The following STK3 variants were observed in gnomAD, a reference collection of about 807,000 sequenced individuals.
STK3 encodes the protein serine/threonine kinase 3, also known as serine/threonine-protein kinase 3.
Under a neutral mutation model 58.0 loss-of-function variants are expected in STK3, and 41 were observed. The ratio of observed to expected loss-of-function variants is 0.71; its 90% confidence interval spans 0.55 to 0.92. The LOEUF (loss-of-function observed/expected upper bound fraction) is 0.92, where lower values mean the gene tolerates loss of function less well. Among genes scored for constraint, STK3 ranks in the 40% least tolerant of loss-of-function variants. The pLI, the probability that STK3 is intolerant of heterozygous loss-of-function variation, is 0.00. For synonymous variants in STK3, 170 were observed against 191.0 expected, an observed-to-expected ratio of 0.89 and a Z score of 0.91; for missense variants, 479 against 602.7, an observed-to-expected ratio of 0.79 and a Z score of 2.15.
At chr8:98,705,427 A>AC (rs1825898168) in intron 6 of STK3, among the ~76,000 whole-genome samples, 1 of 152,112 alleles carries the variant, frequency 6.6e-6, no homozygotes, top group African/African-American at 2.4e-5. Flanking sequence ...GAAAAAAAAA[A>AC]AAAACTCTCT....
chr8:98,942,110 T>G (rs1442162757), intron 1 of STK3, among the ~76,000 whole-genome samples: 4 of 152,160 alleles, frequency 2.6e-5, no homozygotes, highest in African/African-American at 9.6e-5. Context: ...TGCTCTTGGG[T>G]GGGCCCCGCA....
At chr8:98,845,424 A>G (rs1325611151) in intron 3 of STK3, among the ~76,000 whole-genome samples, 1 of 152,190 alleles carries the variant, frequency 6.6e-6, no homozygotes, top group Non-Finnish European at 1.5e-5. Context: ...TAATTCTGAG[A>G]TCTTTTATAA....
chr8:98,937,070 CT>C (rs1840224352), intron 1 of STK3, among the ~76,000 whole-genome samples: 1 of 152,226 alleles, frequency 6.6e-6, no homozygotes, highest in African/African-American at 2.4e-5. Context: ...GAGCTCATCA[CT>C]TCTTATAAGA....
At chr8:98,440,874 T>G (rs1818668728) in intron 1 of STK3, among the ~76,000 whole-genome samples, 2 of 152,186 alleles carry the variant, frequency 1.3e-5, no homozygotes, top group African/African-American at 4.8e-5. Context: ...ACATTTAACA[T>G]CTACCTTAGA....
Position 98,601,107 on chromosome 8 carries a change from G to A in STK3, c.685-4938C>T, listed in dbSNP as rs544733206. Among the ~76,000 whole-genome samples, 15 of 152,218 alleles carry A rather than the reference G, an allele frequency of 9.9e-5. No homozygotes were observed. In the South Asian group the frequency reaches 2.9e-3, roughly 29 times the overall value. Reference sequence around the variant, plus strand: ...CCTGTAGTCCCTGAGCTGAGAGGCTGAGGAAGGTGGATTGCTTGAGCCCAG... The same window carrying A: ...CCTGTAGTCCCTGAGCTGAGAGGCTAAGGAAGGTGGATTGCTTGAGCCCAG... On this transcript the variant is annotated intron_variant, in intron 6 of 10. Coordinates refer to ENST00000419617, the MANE Select transcript of STK3 (RefSeq NM_006281.4).
intron 6 of STK3, among the ~76,000 whole-genome samples, chr8:98,626,818 T>G (rs2130454890): frequency 6.6e-6 from 1 of 152,326 alleles, no homozygotes; most frequent in South Asian, 2.1e-4. Flanking sequence ...GGAGTCACTC[T>G]CTTTAATCAC....
Position 98,691,045 on chromosome 8 carries a change from C to T in STK3, c.684+15422G>A, listed in dbSNP as rs148664098. On this transcript the variant is annotated intron_variant, in intron 6 of 10. Transcript: ENST00000419617. Reference sequence around the variant, plus strand: ...GACATAAAGATGGAAACAACAGACGCTAGGAACTCTAAAAGGAAGGAAGGA... The same window carrying T: ...GACATAAAGATGGAAACAACAGACGTTAGGAACTCTAAAAGGAAGGAAGGA... Among the ~76,000 whole-genome samples the T allele has an allele frequency of 9.9e-5, 15 of 152,222 alleles. No homozygotes were observed. The East Asian group carries it at 2.9e-3, about 29-fold the overall frequency.
intron 8 of STK3, among the ~76,000 whole-genome samples, chr8:98,568,830 G>T (rs1364729142): frequency 6.6e-6 from 1 of 151,982 alleles, no homozygotes; most frequent in African/African-American, 2.4e-5. Flanking sequence ...AACCTAAAAG[G>T]TTCAACAACC....
chr8:98,640,392 T>A (rs1563835546), intron 6 of STK3, among the ~76,000 whole-genome samples: 1 of 152,136 alleles, frequency 6.6e-6, no homozygotes, highest in Non-Finnish European at 1.5e-5. Context: ...CACAAAATTG[T>A]GGCAAAACTT....
chr8:98,893,648 A>G (rs746635803), intron 1 of STK3, among the ~76,000 whole-genome samples: 9 of 152,046 alleles, frequency 5.9e-5, no homozygotes, highest in Non-Finnish European at 1.3e-4. Context: ...AAAAGCAACC[A>G]AAGCTTGAGT....
At chr8:98,439,848 G>C (rs1167329920) in intron 1 of STK3, among the ~76,000 whole-genome samples, 1 of 152,200 alleles carries the variant, frequency 6.6e-6, no homozygotes, top group Non-Finnish European at 1.5e-5. Context: ...TGGTTCACTG[G>C]CTGGATCTCA....
At chr8:98,917,106 A>C (rs1839373734) in intron 1 of STK3, among the ~76,000 whole-genome samples, 1 of 152,246 alleles carries the variant, frequency 6.6e-6, no homozygotes, top group African/African-American at 2.4e-5. Flanking sequence ...AGAGGGACAG[A>C]GGATGAAGTC....
chr8:98,612,833 C>T (rs1465733228), intron 6 of STK3, among the ~76,000 whole-genome samples: 1 of 152,082 alleles, frequency 6.6e-6, no homozygotes, highest in Admixed American at 6.6e-5. Context: ...TAACAAGGTC[C>T]CACAATACTC....
intron 6 of STK3, among the ~76,000 whole-genome samples, chr8:98,629,996 C>T (rs1158410139): frequency 2.6e-5 from 4 of 152,056 alleles, no homozygotes; most frequent in Admixed American, 6.6e-5. Flanking sequence ...GTGACTATGC[C>T]GACATTATTA....
At chr8:98,408,374 T>C (rs183469798) in intron 3 of STK3, among the ~76,000 whole-genome samples, 2 of 152,200 alleles carry the variant, frequency 1.3e-5, no homozygotes, top group Non-Finnish European at 2.9e-5. Flanking sequence ...AAAAATGCAA[T>C]GGCTAAGATT....
intron 3 of STK3, among the ~76,000 whole-genome samples, chr8:98,751,359 T>C (rs1286414252): frequency 1.3e-5 from 2 of 152,284 alleles, no homozygotes; most frequent in East Asian, 1.9e-4. Flanking sequence ...GAAAACCCCA[T>C]AGCCTCAGCC....
chr8:98,470,926 GGA>G (rs888287715), intron 10 of STK3, among the ~76,000 whole-genome samples: 1 of 152,172 alleles, frequency 6.6e-6, no homozygotes, highest in Non-Finnish European at 1.5e-5. Flanking sequence ...AACACCTGAG[GGA>G]GAGTGGTAAA....
At chr8:98,533,091 A>C (rs551364741) in intron 9 of STK3, among the ~76,000 whole-genome samples, 1 of 152,204 alleles carries the variant, frequency 6.6e-6, no homozygotes, top group South Asian at 2.1e-4. Flanking sequence ...CATTTTGCTT[A>C]TCCATTTGTC....
At chr8:98,650,613 G>A (rs1384534887) in intron 6 of STK3, among the ~76,000 whole-genome samples, 1 of 152,230 alleles carries the variant, frequency 6.6e-6, no homozygotes, top group Non-Finnish European at 1.5e-5. Flanking sequence ...GAGGGCACCT[G>A]GAAAAGCGGG....
Sources: allele counts gnomAD v4.1 joint callset (sites outside exome capture counted in the v4.1 genomes callset), GRCh38; gene constraint gnomAD v4.1.1; transcripts MANE v1.5; gene names NCBI Gene and HGNC (gene_info 2026-07-23, HGNC 2026-07-21).